Variants in ADAR observed in about 807,000 individuals in gnomAD.
ADAR encodes adenosine deaminase RNA specific.
A neutral mutation model predicts 113.2 loss-of-function variants in ADAR; 41 were observed. The ratio of observed to expected loss-of-function variants is 0.36; its 90% CI spans 0.28 to 0.47. ADAR has a LOEUF of 0.47. Ranked by LOEUF, ADAR falls within the 20% of genes least tolerant of loss-of-function variation. ADAR has a pLI of 1.00. For synonymous variants in ADAR, 605 were observed against 572.6 expected (o/e 1.06, Z -0.81); for missense variants, 1,242 against 1,540.9 (o/e 0.81, Z 3.25).
In ADAR at chr1:154,588,120, C is replaced by G; in HGVS notation, c.3019+5G>C. On this transcript the variant is annotated splice_donor_5th_base_variant and intron_variant, in intron 11 of 14. Transcript: ENST00000368474. ...GGAAAGGAGGCGGGGGCATGTATCA[C>G]TCACCGTTCTCCACCTTGGTGCGGA... 1 of 1,613,600 alleles carries G rather than the reference C, an allele frequency of 6.2e-7. No homozygotes were observed. The highest frequency in any genetic ancestry group is 8.5e-7 in the Non-Finnish European group (1 of 1,179,954).
At chr1:154,627,709 T>A in intron 1 of ADAR, 1 of 379,082 alleles carries the variant, frequency 2.6e-6, no homozygotes, top group Middle Eastern at 9.4e-4. Flanking sequence ...ACCAGCTGCG[T>A]CCCCACCCAG....
intron 6 of ADAR, among the ~76,000 whole-genome samples, chr1:154,592,879 T>C (rs1697239717): frequency 6.6e-6 from 1 of 151,722 alleles, no homozygotes; most frequent in East Asian, 1.9e-4. Context: ...TTCATGCCTG[T>C]AATCCCAGCA....
chr1:154,593,787 G>A (rs1268877210), intron 6 of ADAR, among the ~76,000 whole-genome samples: 1 of 152,066 alleles, frequency 6.6e-6, no homozygotes, highest in African/African-American at 2.4e-5. Flanking sequence ...GTAACAATCT[G>A]AAAGAAAACT....
upstream of ADAR, among the ~76,000 whole-genome samples, chr1:154,608,583 C>T (rs1271657164): frequency 6.9e-6 from 1 of 144,372 alleles, no homozygotes; most frequent in African/African-American, 2.6e-5. Flanking sequence ...TTCAAGAGAT[C>T]CGCCCACCTC....
At chr1:154,599,451 C>T (rs1046964941) in intron 2 of ADAR, among the ~76,000 whole-genome samples, 1 of 152,202 alleles carries the variant, frequency 6.6e-6, no homozygotes, top group Non-Finnish European at 1.5e-5. Context: ...AGAATGACGG[C>T]CATCCAGTCT....
At chr1:154,602,982 A>G (rs1028329208) in intron 1 of ADAR, among the ~76,000 whole-genome samples, 2 of 152,264 alleles carry the variant, frequency 1.3e-5, no homozygotes, top group African/African-American at 4.8e-5. Flanking sequence ...CCCCTTTAAA[A>G]TCAGAACAAC....
At position 154,590,153 on chromosome 1, in the gene ADAR, C is replaced by CA. The variant is rs71077958; in HGVS notation, c.2496+30dup. Reference sequence around the variant, plus strand: ...AGGAGTTAGGAGGACCCCCCCGCCCCAAAAAAGGCACCAAAAGTAGACGTC... The same window carrying CA: ...AGGAGTTAGGAGGACCCCCCCGCCCCAAAAAAAGGCACCAAAAGTAGACGTC... On this transcript the variant is annotated intron_variant, in intron 7 of 14. Transcript: ENST00000368474. The CA allele has an allele frequency of 2.7e-3, 3,055 of 1,139,346 alleles. 33 individuals carry two copies. Among genetic ancestry groups the CA allele is most frequent in the African/African-American group, 0.025 (1,558 of 62,110 alleles). The allele number at this position is 1,139,346 out of a possible 1,614,324, so 70.6% of individuals were successfully genotyped here.
Position 154,602,393 on chromosome 1 carries a change from G to A in ADAR, c.249C>T (p.Thr83=). The A allele has an allele frequency of 1.2e-6, 2 of 1,603,402 alleles. No homozygotes were observed. The highest frequency in any genetic ancestry group is 1.7e-6 in the Non-Finnish European group (2 of 1,173,696). The change falls in exon 2 of 15, where the codon ACC becomes ACT. Residue 83 remains threonine (T), a synonymous_variant. Coordinates refer to ENST00000368474, the MANE Select transcript of ADAR (RefSeq NM_001111.5). ...PRFPVLLASS[T]RGRQVDIRGV... ...CCCTGATGTCCACTTGCCTGCCTCT[G>A]GTACTGGAGGCAAGTAGTACTGGAA...
chr1:154,594,449 T>C (rs957217713), intron 6 of ADAR, among the ~76,000 whole-genome samples: 3 of 152,238 alleles, frequency 2.0e-5, no homozygotes, highest in African/African-American at 2.4e-5. Context: ...CACTTTGTGA[T>C]AGACCTTAGA....
intron 4 of ADAR, 73 bp from the exon 5 acceptor site, chr1:154,597,340 C>A: frequency 6.4e-7 from 1 of 1,569,304 alleles, no homozygotes; most frequent in Non-Finnish European, 8.7e-7. Flanking sequence ...CTCTGCCAGG[C>A]TGCCATCCTC....
At chr1:154,606,609 C>T (rs1698205834) in intron 1 of ADAR, among the ~76,000 whole-genome samples, 4 of 152,116 alleles carry the variant, frequency 2.6e-5, no homozygotes, top group Middle Eastern at 3.4e-3. Context: ...CTTTTTGCCC[C>T]CCTTAAATCC....
In ADAR at chr1:154,607,405, C is replaced by T. The variant is rs879093207; in HGVS notation, c.15+587G>A. On this transcript the variant is annotated intron_variant, in intron 1 of 14. Transcript: ENST00000368474. The stretch of plus-strand genomic sequence containing the variant: ...TTTTAGCTATAAAGTGGTTAACAAG[C>T]TTTCTCCTACAGCTTAAGTGCCATT... Among the ~76,000 whole-genome samples, 4 of 152,172 alleles carry T rather than the reference C, an allele frequency of 2.6e-5. No homozygotes were observed. The East Asian group carries it at 5.8e-4, about 22-fold the overall frequency.
chr1:154,590,135 A>AGGCGGGGGGGGGGGGGGGGGGGGGGGGGG, intron 7 of ADAR, 49 bp downstream of exon 7: 8 of 1,205,010 alleles, frequency 6.6e-6, no homozygotes, highest in East Asian at 2.5e-5. Context: ...CTTAGGAGTT[A>AGGCGGGGGGGGGGGGGGGGGGGGGGGGGG]GGAGGACCCC....
chr1:154,590,064 C>T, intron 7 of ADAR, 120 bp downstream of exon 7: 5 of 1,486,242 alleles, frequency 3.4e-6, no homozygotes, highest in Non-Finnish European at 4.7e-6. Context: ...CCAGTTACTG[C>T]TCTCTCGAGG....
upstream of ADAR, among the ~76,000 whole-genome samples, chr1:154,612,534 AGCCAGG>A (rs1698516209): frequency 6.6e-6 from 1 of 151,690 alleles, no homozygotes; most frequent in African/African-American, 2.4e-5. Flanking sequence ...TCACTGTGTT[AGCCAGG>A]ATGGTCTCGA....
chr1:154,584,706 G>A lies in ADAR; in HGVS notation c.*100C>T. The A allele has an allele frequency of 1.8e-6, 2 of 1,081,538 alleles. No individual in the cohort carries two copies. Among genetic ancestry groups the A allele is most frequent in the South Asian group, 2.8e-5 (2 of 70,694 alleles). 67.0% of individuals were successfully genotyped at this position (1,081,538 alleles called of 1,614,324 possible). ...TTATGGCTTAAAAAGAAAAAAAAAGGAGAAAAAAAAATCCCCTGACCATGT... is the reference window on the plus strand; with the variant it reads ...TTATGGCTTAAAAAGAAAAAAAAAGAAGAAAAAAAAATCCCCTGACCATGT... On this transcript the variant is annotated 3_prime_UTR_variant, in exon 15 of 15. Coordinates refer to ENST00000368474, the MANE Select transcript of ADAR (RefSeq NM_001111.5).
chr1:154,602,369 C>G lies in ADAR; in HGVS notation c.273G>C (p.Arg91Ser), dbSNP rs1415501110. The change falls in exon 2 of 15, where the codon AGG becomes AGC. Residue 91 changes from arginine (R) to serine (S), a missense_variant. By Grantham distance (110) the Arg-to-Ser change is moderately radical. Transcript: ENST00000368474. ...TGAGATGCACGCCCCTGGGGACACC[C>G]CTGATGTCCACTTGCCTGCCTCTGG... is the stretch of plus-strand genomic sequence containing the variant. Reference protein sequence around the residue: ...SSTRGRQVDIRGVPRGVHLRS... With the variant: ...SSTRGRQVDISGVPRGVHLRS... 6.2e-7 allele frequency: 1 copy of G among 1,604,226 alleles called. No homozygotes were observed. Among genetic ancestry groups the G allele is most frequent in the Non-Finnish European group, 8.5e-7 (1 of 1,174,360 alleles).
chr1:154,586,008 TGGGG>T (rs1696734169), intron 12 of ADAR, 143 bp from the exon 13 acceptor site: 9 of 1,163,608 alleles, frequency 7.7e-6, no homozygotes, highest in Admixed American at 2.0e-5. Context: ...ACCTTCTGAC[TGGGG>T]CTACCAGGAT....
chr1:154,612,413 C>T (rs1466737867), upstream of ADAR, among the ~76,000 whole-genome samples: 4 of 147,976 alleles, frequency 2.7e-5, no homozygotes, highest in Admixed American at 2.1e-4. Context: ...CTGCAAGCTC[C>T]GCCTCCTGGG....
Sources: allele counts gnomAD v4.1 joint callset (sites outside exome capture counted in the v4.1 genomes callset), GRCh38; gene constraint gnomAD v4.1.1; transcripts MANE v1.5; gene names NCBI Gene and HGNC (gene_info 2026-07-23, HGNC 2026-07-21).